Variants in SRCIN1 observed in about 807,000 individuals in gnomAD.
SRCIN1 encodes SRC kinase signaling inhibitor 1, also known as P130Cas-associated protein.
A neutral mutation model predicts 116.2 loss-of-function variants in SRCIN1; 50 were observed. The ratio of observed to expected loss-of-function variants is 0.43; its 90% CI spans 0.34 to 0.54. The LOEUF (loss-of-function observed/expected upper bound fraction) is 0.54. Among genes scored for constraint, SRCIN1 ranks in the 20% least tolerant of loss-of-function variants. SRCIN1 has a pLI of 0.02. For missense variants in SRCIN1, 1,446 were observed against 1,672.0 expected (o/e 0.86, Z 2.36); for synonymous variants, 736 against 750.0 (o/e 0.98, Z 0.30).
chr17:38,574,944 G>A lies in SRCIN1; in HGVS notation c.324+3546C>T, dbSNP rs541962412. On this transcript the variant is annotated intron_variant, in intron 2 of 18. Transcript: ENST00000617146. The stretch of plus-strand genomic sequence containing the variant: ...AGGTGGGAGCAGAGGGAGCTGAGGA[G>A]GCATACGGGGTCCACGGTCCAGCCG... The A allele has an allele frequency of 1.0e-5, 4 of 401,252 alleles. No homozygotes were observed. In the Admixed American group the frequency reaches 1.8e-4, roughly 18 times the overall value. The allele number at this position is 401,252 out of a possible 1,614,324, so 24.9% of individuals were successfully genotyped here. A position where few individuals can be genotyped will look rare whatever the true frequency, so the allele number is the denominator to read the frequency against.
At chr17:38,606,213 T>C (rs558439231), upstream of SRCIN1, among the ~76,000 whole-genome samples, 852 of 151,458 alleles carry the variant, frequency 5.6e-3, 3 homozygotes, top group Non-Finnish European at 8.9e-3. The surrounding 1 kb of genome is among the most constrained non-coding windows in gnomAD (Gnocchi z 5.2). Context: ...CGCGCCACGA[T>C]AGAGACAAAT....
intron 15 of SRCIN1, among the ~76,000 whole-genome samples, chr17:38,550,468 TG>T (rs1905319876): frequency 6.6e-6 from 1 of 152,096 alleles, no homozygotes; most frequent in Non-Finnish European, 1.5e-5. Context: ...CACTCCAGCC[TG>T]GGCGACAGAG....
chr17:38,566,270 C>T (rs1597909124), intron 3 of SRCIN1, among the ~76,000 whole-genome samples: 1 of 152,208 alleles, frequency 6.6e-6, no homozygotes, highest in East Asian at 1.9e-4. Flanking sequence ...GGCAGAAACC[C>T]TGGGAGAAGA....
rs555503199 is a variant in SRCIN1 at position 38,604,468 on chromosome 17, C to T, written c.22+1216G>A. On this transcript the variant is annotated intron_variant, in intron 1 of 18. Transcript: ENST00000617146. The surrounding 1 kb of genome is among the most constrained non-coding windows in gnomAD (Gnocchi z 4.3). Reference sequence around the variant, plus strand: ...ATCCCCCTCCTTGCATACTTCCCCGCGCCTGCTCACCTGGCTCCCCTCGGC... The same window carrying T: ...ATCCCCCTCCTTGCATACTTCCCCGTGCCTGCTCACCTGGCTCCCCTCGGC... 1.5e-5 allele frequency: 7 copies of T among 453,544 alleles called. No homozygotes were observed. The highest frequency in any genetic ancestry group is 2.2e-5 in the Non-Finnish European group (5 of 225,636). 28.1% of individuals were successfully genotyped at this position (453,544 alleles called of 1,614,324 possible). A position where few individuals can be genotyped will look rare whatever the true frequency, so the allele number is the denominator to read the frequency against.
At chr17:38,534,997 TG>T (rs1466743501) in intron 18 of SRCIN1, among the ~76,000 whole-genome samples, 1 of 151,934 alleles carries the variant, frequency 6.6e-6, no homozygotes, top group African/African-American at 2.4e-5. Flanking sequence ...CTGAGTGTGA[TG>T]GTGTGTGCCT....
chr17:38,571,892 C>T (rs1907099517), intron 2 of SRCIN1, among the ~76,000 whole-genome samples: 1 of 152,124 alleles, frequency 6.6e-6, no homozygotes, highest in African/African-American at 2.4e-5. Context: ...TAACTCCCTT[C>T]CTCTCTCCTC....
intron 9 of SRCIN1, 108 bp downstream of exon 9, chr17:38,559,946 G>C: frequency 7.4e-7 from 1 of 1,353,124 alleles, no homozygotes; most frequent in Non-Finnish European, 1.0e-6. Context: ...CCAGGAAAAA[G>C]ACCTCTTGGG....
chr17:38,577,456 A>G (rs907590740), intron 2 of SRCIN1, among the ~76,000 whole-genome samples: 2 of 152,212 alleles, frequency 1.3e-5, no homozygotes, highest in Non-Finnish European at 2.9e-5. Context: ...AAATGTGCCA[A>G]TGTGTCTTGT....
At chr17:38,539,787 G>A (rs1465279457) in intron 18 of SRCIN1, among the ~76,000 whole-genome samples, 4 of 152,006 alleles carry the variant, frequency 2.6e-5, no homozygotes, top group African/African-American at 9.7e-5. Flanking sequence ...TTGGGAGGCT[G>A]AGGCAGGCGG....
chr17:38,542,741 G>A, intron 18 of SRCIN1: 2 of 211,306 alleles, frequency 9.5e-6, no homozygotes, highest in South Asian at 7.9e-5. Context: ...CCTAGGTCCC[G>A]ATCCTGGCTG....
chr17:38,533,819 G>A (rs1318441070), intron 18 of SRCIN1, among the ~76,000 whole-genome samples: 1 of 148,286 alleles, frequency 6.7e-6, no homozygotes, highest in East Asian at 2.0e-4. Flanking sequence ...AGGGGCACAA[G>A]CCCTGCGGGG....
In SRCIN1 at chr17:38,578,595, C is replaced by A. The variant is rs893999878; in HGVS notation, c.219G>T (p.Lys73Asn). ...CATCACGCTTGCGGTCGGCGTCCGC[C>A]TTCTGGAGCCCGCTGAGCGCCTCCA... ...QSLEALSGLQKADADRKRDAF... is the reference protein window; with the variant it reads ...QSLEALSGLQNADADRKRDAF... The change falls in exon 2 of 19, where the codon AAG (lysine) becomes AAT (asparagine). Residue 73 changes from lysine (K) to asparagine (N), a missense_variant. By Grantham distance (94) the Lys-to-Asn change is moderately conservative. Around this residue, in one of 5 missense-constraint regions of SRCIN1, gnomAD observed 246 missense variants for 265.1 expected, o/e 0.93. Transcript: ENST00000617146. 3.1e-6 allele frequency: 5 copies of A among 1,611,696 alleles called. No individual in the cohort carries two copies. Among genetic ancestry groups the A allele is most frequent in the South Asian group, 1.1e-5 (1 of 90,818 alleles).
At position 38,530,272 on chromosome 17, in the gene SRCIN1, G is replaced by A. The variant is rs1946860137; in HGVS notation, c.*3025C>T. 1 of 152,190 alleles carries A rather than the reference G, an allele frequency of 6.6e-6. No homozygotes were observed. Among genetic ancestry groups the A allele is most frequent in the Admixed American group, 6.5e-5 (1 of 15,288 alleles). The allele number at this position is 152,190 out of a possible 1,614,324, so 9.4% of individuals were successfully genotyped here. ...TACAGGGTGGATGGGGCAGGGTGTGGAGCCGGGGCTCACCCCGGGGGGCCC... is the reference window on the plus strand; with the variant it reads ...TACAGGGTGGATGGGGCAGGGTGTGAAGCCGGGGCTCACCCCGGGGGGCCC... On this transcript the variant is annotated 3_prime_UTR_variant, in exon 19 of 19. Transcript: ENST00000617146.
At chr17:38,570,551 C>G (rs534561508) in intron 2 of SRCIN1, among the ~76,000 whole-genome samples, 11 of 152,240 alleles carry the variant, frequency 7.2e-5, no homozygotes, top group Non-Finnish European at 1.3e-4. Flanking sequence ...GGGAGGTGAC[C>G]TCTGATGCAA....
chr17:38,569,485 G>A (rs142964546), intron 2 of SRCIN1, among the ~76,000 whole-genome samples: 627 of 152,258 alleles, frequency 4.1e-3, no homozygotes, highest in Non-Finnish European at 7.0e-3. Flanking sequence ...TGCTTTCCTG[G>A]CAGGGAGGAG....
chr17:38,541,393 T>C (rs948234354), intron 18 of SRCIN1: 3 of 151,038 alleles, frequency 2.0e-5, no homozygotes, highest in African/African-American at 7.3e-5. Context: ...AGGCTGGGGG[T>C]GGGCGACCCT....
chr17:38,567,018 G>A (rs1215124037), intron 3 of SRCIN1, among the ~76,000 whole-genome samples: 3 of 151,736 alleles, frequency 2.0e-5, no homozygotes, highest in African/African-American at 7.3e-5. Flanking sequence ...GCGCAGAGGT[G>A]CAAACATAGC....
In SRCIN1 at chr17:38,538,440, T is replaced by A. The variant is rs866894853; in HGVS notation, c.3418-5009A>T. ...TCAAAAAAAAAAAAAAAAATAATAATAATAATAATAAAATAATAAAAATGA... is the reference window on the plus strand; with the variant it reads ...TCAAAAAAAAAAAAAAAAATAATAAAAATAATAATAAAATAATAAAAATGA... On this transcript the variant is annotated intron_variant, in intron 18 of 18. Coordinates refer to ENST00000617146, the MANE Select transcript of SRCIN1 (RefSeq NM_025248.3). Among the ~76,000 whole-genome samples the A allele has an allele frequency of 3.4e-3, 484 of 140,394 alleles. 2 individuals carry two copies. The highest frequency in any genetic ancestry group is 0.011 in the African/African-American group (401 of 36,242). The allele number at this position is 140,394 out of a possible 152,430, so 92.1% of individuals were successfully genotyped here. A position where few individuals can be genotyped will look rare whatever the true frequency, so the allele number is the denominator to read the frequency against.
In SRCIN1 at chr17:38,602,615, G is replaced by T. The variant is rs1195293479; in HGVS notation, c.22+3069C>A. On this transcript the variant is annotated intron_variant, in intron 1 of 18. Coordinates refer to ENST00000617146, the MANE Select transcript of SRCIN1 (RefSeq NM_025248.3). The surrounding 1 kb of genome is among the most constrained non-coding windows in gnomAD (Gnocchi z 4.2). Reference sequence around the variant, plus strand: ...GTCTGCTGGGCCTCTGAGGCAGTCTGTGTCCCTCTCTGGGCCTCAAGGACA... The same window carrying T: ...GTCTGCTGGGCCTCTGAGGCAGTCTTTGTCCCTCTCTGGGCCTCAAGGACA... The T allele has an allele frequency of 6.6e-6, 1 of 152,278 alleles. No homozygotes were observed. The highest frequency in any genetic ancestry group is 1.5e-5 in the Non-Finnish European group (1 of 68,068). 9.4% of individuals were successfully genotyped at this position (152,278 alleles called of 1,614,324 possible). A position where few individuals can be genotyped will look rare whatever the true frequency, so the allele number is the denominator to read the frequency against.
Sources: allele counts gnomAD v4.1 joint callset (sites outside exome capture counted in the v4.1 genomes callset), GRCh38; gene constraint gnomAD v4.1.1; regional missense constraint gnomAD v4.1.1; non-coding constraint Gnocchi (gnomAD v3.1); transcripts MANE v1.5; gene names NCBI Gene and HGNC (gene_info 2026-07-23, HGNC 2026-07-21).